ZCCHC14: variants seen among roughly 807,000 people sequenced by gnomAD.
The protein encoded by ZCCHC14 is zinc finger CCHC domain-containing protein 14.
A neutral mutation model predicts 85.0 loss-of-function variants in ZCCHC14; 16 were observed. The observed-to-expected ratio is 0.19, with a 90% CI of 0.13 to 0.29. The LOEUF (loss-of-function observed/expected upper bound fraction) is 0.29, where lower values mean the gene tolerates loss of function less well. Ranked by LOEUF, ZCCHC14 falls within the 10% of genes least tolerant of loss-of-function variation. ZCCHC14 has a pLI of 1.00. For missense variants in ZCCHC14, 1,303 were observed against 1,443.5 expected (o/e 0.90, Z 1.58); for synonymous variants, 775 against 630.7 (o/e 1.23, Z -3.43).
Position 87,406,881 on chromosome 16 carries a change from A to C in ZCCHC14, c.*3399T>G, listed in dbSNP as rs1285886263. 1 of 152,216 alleles carries C rather than the reference A, an allele frequency of 6.6e-6. No individual in the cohort carries two copies. Among genetic ancestry groups the C allele is most frequent in the Non-Finnish European group, 1.5e-5 (1 of 68,078 alleles). 9.4% of individuals were successfully genotyped at this position (152,216 alleles called of 1,614,324 possible). A position where few individuals can be genotyped will look rare whatever the true frequency, so the allele number is the denominator to read the frequency against. On this transcript the variant is annotated 3_prime_UTR_variant, in exon 13 of 13. Coordinates refer to ENST00000671377, the MANE Select transcript of ZCCHC14 (RefSeq NM_015144.3). ...AAGTCACCTGCATGCTGGAAATGGCAGCCACCCCCGCTCAGGTCGCACAGG... is the reference window on the plus strand; with the variant it reads ...AAGTCACCTGCATGCTGGAAATGGCCGCCACCCCCGCTCAGGTCGCACAGG...
At chr16:87,487,241 A>T (rs1912550328) in intron 1 of ZCCHC14, among the ~76,000 whole-genome samples, 1 of 152,162 alleles carries the variant, frequency 6.6e-6, no homozygotes, top group South Asian at 2.1e-4. Flanking sequence ...ACCCCTAAAG[A>T]AGACCACCAC....
intron 1 of ZCCHC14, among the ~76,000 whole-genome samples, chr16:87,461,853 A>C (rs1042564328): frequency 3.3e-5 from 5 of 152,244 alleles, no homozygotes; most frequent in African/African-American, 1.2e-4. Context: ...GCCCCCCAGC[A>C]AGAAGCCCTC....
intron 2 of ZCCHC14, among the ~76,000 whole-genome samples, chr16:87,456,268 C>A (rs1023734215): frequency 6.6e-6 from 1 of 152,154 alleles, no homozygotes; most frequent in African/African-American, 2.4e-5. Context: ...CAGTGGCTCA[C>A]GCCTGTAATC....
intron 1 of ZCCHC14, among the ~76,000 whole-genome samples, chr16:87,490,237 C>A (rs946611657): frequency 2.0e-5 from 3 of 152,200 alleles, no homozygotes; most frequent in Admixed American, 2.0e-4. Context: ...TGAAAGACAG[C>A]TTTAAAAACA....
chr16:87,442,195 G>A (rs963547885), intron 2 of ZCCHC14, among the ~76,000 whole-genome samples: 54 of 152,274 alleles, frequency 3.5e-4, no homozygotes, highest in African/African-American at 1.2e-3. Flanking sequence ...AGAGTCTGAG[G>A]CTGGACGGCA....
In ZCCHC14 at chr16:87,412,507, C is replaced by CGTG; in HGVS notation, c.2211_2213dup (p.Thr738dup). 4.3e-6 allele frequency: 7 copies of CGTG among 1,614,010 alleles called. No homozygotes were observed. Among genetic ancestry groups the CGTG allele is most frequent in the Non-Finnish European group, 5.9e-6 (7 of 1,180,020 alleles). ...GTGCTGTCTTCAGCACCCTGTCCAGCGTGGATGCATGCACGACTTTGGTCC... is the reference window on the plus strand; with the variant it reads ...GTGCTGTCTTCAGCACCCTGTCCAGCGTGGTGGATGCATGCACGACTTTGGTCC... On this transcript the variant is annotated inframe_insertion, in exon 12 of 13. Coordinates refer to ENST00000671377, the MANE Select transcript of ZCCHC14 (RefSeq NM_015144.3).
At position 87,411,622 on chromosome 16, in the gene ZCCHC14, A is replaced by G; in HGVS notation, c.3099T>C (p.Asn1033=). ...TCCCGCTCTTTTTGTGACTGGAACC[A>G]TTGCTACTGCCCACCAGTCCTTGGG... ...YQTQGLVGSS[N]GSSHKKSGNL... The change falls in exon 12 of 13, where the codon AAT becomes AAC. Residue 1033 remains asparagine, a synonymous_variant. Transcript: ENST00000671377. The G allele has an allele frequency of 1.9e-6, 3 of 1,613,926 alleles. No individual in the cohort carries two copies. The highest frequency in any genetic ancestry group is 2.5e-6 in the Non-Finnish European group (3 of 1,180,016).
chr16:87,412,121 C>G lies in ZCCHC14; in HGVS notation c.2600G>C (p.Ser867Thr). The change falls in exon 12 of 13, where the codon AGC (serine) becomes ACC (threonine). Residue 867 changes from serine to threonine, a missense_variant. Ser to Thr is a moderately conservative substitution (Grantham distance 58, BLOSUM62 1). Transcript: ENST00000671377. ...MATLPSCPAPSSSPALSSVPE... is the reference protein window; with the variant it reads ...MATLPSCPAPTSSPALSSVPE... ...GACGGAGGACAGCGCCGGGCTGGAG[C>G]TGGGGGCTGGGCAGCTGGGCAACGT... 1 of 1,613,700 alleles carries G rather than the reference C, an allele frequency of 6.2e-7. No homozygotes were observed.
chr16:87,445,595 T>C (rs985682749), intron 2 of ZCCHC14, among the ~76,000 whole-genome samples: 2 of 152,214 alleles, frequency 1.3e-5, no homozygotes, highest in Admixed American at 6.5e-5. Flanking sequence ...CAGGCCACCA[T>C]GTGATCAGAT....
chr16:87,412,139 G>A lies in ZCCHC14; in HGVS notation c.2582C>T (p.Pro861Leu). ...STSFANMATL[P>L]SCPAPSSSPA... ...GCTGGAGCTGGGGGCTGGGCAGCTG[G>A]GCAACGTGGCCATGTTGGCAAAGGA... Residue 861 changes from proline to leucine, a missense_variant, in exon 12 of 13, where the codon CCC (proline) becomes CTC (leucine). Around this residue, in one of 7 missense-constraint regions of ZCCHC14, gnomAD observed 797 missense variants for 730.8 expected, o/e 1.09. Transcript: ENST00000671377. 6.2e-7 allele frequency: 1 copy of A among 1,613,920 alleles called. No homozygotes were observed. The highest frequency in any genetic ancestry group is 8.5e-7 in the Non-Finnish European group (1 of 1,180,036).
chr16:87,447,565 C>A (rs1477821835), intron 2 of ZCCHC14, among the ~76,000 whole-genome samples: 1 of 152,146 alleles, frequency 6.6e-6, no homozygotes, highest in Non-Finnish European at 1.5e-5. Context: ...GAGTTCTCTT[C>A]CATTGTATAA....
chr16:87,467,691 G>A (rs1452400537), intron 1 of ZCCHC14: 33 of 762,596 alleles, frequency 4.3e-5, no homozygotes, highest in East Asian at 7.7e-5. Context: ...TCGCTCTGTC[G>A]CCCAGGCTGG....
intron 3 of ZCCHC14, among the ~76,000 whole-genome samples, chr16:87,431,487 A>G (rs937383000): frequency 2.8e-4 from 42 of 151,760 alleles, no homozygotes; most frequent in Non-Finnish European, 3.7e-4. Context: ...AAAAAAAAAA[A>G]AAAAGAAAAG....
rs1229379999 is a variant in ZCCHC14 at position 87,417,756 on chromosome 16, G to T, written c.1101-14C>A. 6 of 1,566,642 alleles carry T rather than the reference G, an allele frequency of 3.8e-6. No homozygotes were observed. The highest frequency in any genetic ancestry group is 5.2e-6 in the Non-Finnish European group (6 of 1,159,376). The stretch of plus-strand genomic sequence containing the variant: ...CCACACACAGGCCTGTGGGACAGGG[G>T]CAGGAGGGACACAGAGAGACTGTGG... On this transcript the variant is annotated splice_polypyrimidine_tract_variant and intron_variant, in intron 7 of 12. Coordinates refer to ENST00000671377, the MANE Select transcript of ZCCHC14 (RefSeq NM_015144.3).
intron 7 of ZCCHC14, among the ~76,000 whole-genome samples, 177 bp downstream of exon 7, chr16:87,418,670 T>G (rs1415714311): frequency 6.6e-6 from 1 of 152,236 alleles, no homozygotes; most frequent in Non-Finnish European, 1.5e-5. Flanking sequence ...TCCAGTGGCT[T>G]AGAGAACTCT....
chr16:87,434,371 C>T (rs903908382), intron 2 of ZCCHC14, among the ~76,000 whole-genome samples: 1 of 152,244 alleles, frequency 6.6e-6, no homozygotes, highest in East Asian at 1.9e-4. Context: ...AGCTTCCACA[C>T]TTCCCAGGCG....
Position 87,408,189 on chromosome 16 carries a change from G to A in ZCCHC14, c.*2091C>T, listed in dbSNP as rs889456958. 2.0e-5 allele frequency: 3 copies of A among 152,696 alleles called. No homozygotes were observed. The highest frequency in any genetic ancestry group is 3.9e-4 in the East Asian group (2 of 5,186). 9.5% of individuals were successfully genotyped at this position (152,696 alleles called of 1,614,324 possible). On this transcript the variant is annotated 3_prime_UTR_variant, in exon 13 of 13. Transcript: ENST00000671377. ...AATAGTTACGTGGGTAACAACAGAC[G>A]CTTTCATTCCCCTATACTGACCACT... is the stretch of plus-strand genomic sequence containing the variant.
intron 1 of ZCCHC14, among the ~76,000 whole-genome samples, chr16:87,470,084 G>A (rs1232821516): frequency 6.6e-6 from 1 of 152,032 alleles, no homozygotes; most frequent in Non-Finnish European, 1.5e-5. Flanking sequence ...TGTAATCCCA[G>A]CACTTTGGGA....
chr16:87,453,190 C>T (rs573023935), intron 2 of ZCCHC14, among the ~76,000 whole-genome samples: 2 of 152,332 alleles, frequency 1.3e-5, no homozygotes, highest in South Asian at 2.1e-4. Context: ...GAGCGAGCAG[C>T]GCTCACGCAG....
Sources: gnomAD v4.1 joint callset for allele counts (sites outside exome capture counted in the v4.1 genomes callset) on GRCh38, gnomAD v4.1.1 for gene constraint, gnomAD v4.1.1 regional missense constraint, MANE v1.5 for transcripts, NCBI Gene and HGNC (gene_info 2026-07-23, HGNC 2026-07-21) for gene names.